The following ACTL6B variants were observed in gnomAD, a reference collection of about 807,000 sequenced individuals.
ACTL6B encodes actin-like protein 6B.
A neutral mutation model predicts 63.3 loss-of-function variants in ACTL6B; 48 were observed. That is an observed-to-expected ratio of 0.76 (90% CI 0.60 to 0.96). ACTL6B has a LOEUF of 0.96. Among genes scored for constraint, ACTL6B ranks in the 50% least tolerant of loss-of-function variants. The pLI, the probability that ACTL6B is intolerant of heterozygous loss-of-function variation, is 0.00. For missense variants in ACTL6B, 350 were observed against 572.2 expected (o/e 0.61, Z 3.96); for synonymous variants, 230 against 223.8 (o/e 1.03, Z -0.25).
chr7:100,644,189 C>T (rs764931296), intron 13 of ACTL6B, among the ~76,000 whole-genome samples: 1 of 152,042 alleles, frequency 6.6e-6, no homozygotes, highest in Non-Finnish European at 1.5e-5. Context: ...CGTGAGCCAC[C>T]GCGCCCAGCC....
chr7:100,656,134 G>A (rs1804036023), intron 1 of ACTL6B, among the ~76,000 whole-genome samples, 196 bp downstream of exon 1: 1 of 152,236 alleles, frequency 6.6e-6, no homozygotes, highest in Admixed American at 6.5e-5. Context: ...GCCAGGTGGA[G>A]GTGGGTTGCA....
chr7:100,645,799 T>A (rs556901749), intron 13 of ACTL6B, among the ~76,000 whole-genome samples: 15 of 152,160 alleles, frequency 9.9e-5, no homozygotes, highest in African/African-American at 3.6e-4. Flanking sequence ...GCCTGGCTAA[T>A]TTTTGGATTT....
In ACTL6B at chr7:100,655,768, C is replaced by G. The variant is rs771098886; in HGVS notation, c.102+35G>C. On this transcript the variant is annotated intron_variant, in intron 2 of 13. Transcript: ENST00000160382. This position sits in a 1 kb window ranked among gnomAD's most constrained non-coding sequence, Gnocchi z 4.4. ...GGAAAGCCTGAAGAAGGGTCCGAAG[C>G]CCCTAGGATTTGGAGAGGAGACTGG... 1.9e-6 allele frequency: 3 copies of G among 1,551,198 alleles called. No homozygotes were observed. The East Asian group carries it at 7.3e-5, about 38-fold the overall frequency.
At chr7:100,654,642 C>G (rs1271591957) in intron 4 of ACTL6B, among the ~76,000 whole-genome samples, 1 of 151,460 alleles carries the variant, frequency 6.6e-6, no homozygotes, top group Non-Finnish European at 1.5e-5. Flanking sequence ...ATTAGCCAGG[C>G]GTGGTGGCGG....
intron 4 of ACTL6B, among the ~76,000 whole-genome samples, chr7:100,650,439 TCA>T (rs1223356361): frequency 2.7e-5 from 4 of 150,542 alleles, no homozygotes; most frequent in African/African-American, 4.9e-5. Flanking sequence ...GCAAACACAC[TCA>T]CAAACACACG....
At chr7:100,654,048 C>T in intron 4 of ACTL6B, among the ~76,000 whole-genome samples, 1 of 151,802 alleles carries the variant, frequency 6.6e-6, no homozygotes, top group East Asian at 1.9e-4. Context: ...TCTCAGCTCA[C>T]TGCAAGCTCC....
chr7:100,650,278 ACACT>A (rs777728344), intron 4 of ACTL6B, 143 bp from the exon 5 acceptor site: 5 of 662,336 alleles, frequency 7.5e-6, no homozygotes, highest in South Asian at 1.7e-5. Context: ...CACAACCTAA[ACACT>A]CACACATACA....
Position 100,648,555 on chromosome 7 carries a change from C to T in ACTL6B, c.669+1G>A, listed in dbSNP as rs1584468817. 3 of 1,598,184 alleles carry T rather than the reference C, an allele frequency of 1.9e-6. No homozygotes were observed. Among genetic ancestry groups the T allele is most frequent in the Non-Finnish European group, 2.6e-6 (3 of 1,171,264 alleles). On this transcript the variant is annotated splice_donor_variant, in intron 7 of 13. Transcript: ENST00000160382. LOFTEE classifies it high-confidence loss of function. This position sits in a 1 kb window ranked among gnomAD's most constrained non-coding sequence, Gnocchi z 4.4. Reference sequence around the variant, plus strand: ...CAGCTCCATGTCCCCAGAGGCCCCACCTTGGCTGCGATCATGTAAGGTGGG... The same window carrying T: ...CAGCTCCATGTCCCCAGAGGCCCCATCTTGGCTGCGATCATGTAAGGTGGG...
chr7:100,643,305 T>C lies in ACTL6B; in HGVS notation c.1222A>G (p.Ile408Val). 1 of 1,613,782 alleles carries C rather than the reference T, an allele frequency of 6.2e-7. No individual in the cohort carries two copies. Among genetic ancestry groups the C allele is most frequent in the Non-Finnish European group, 8.5e-7 (1 of 1,179,954 alleles). The change falls in exon 14 of 14, where the codon ATC becomes GTC. Residue 408 changes from isoleucine (I) to valine (V), a missense_variant. Coordinates refer to ENST00000160382, the MANE Select transcript of ACTL6B (RefSeq NM_016188.5). ...ASLGTFQQMW[I>V]SKQEYEEGGK... Reference sequence around the variant, plus strand: ...CCCTCCTCATATTCCTGCTTGGAGATCCACATCTGCTGGAAAGTGCCCTGG... The same window carrying C: ...CCCTCCTCATATTCCTGCTTGGAGACCCACATCTGCTGGAAAGTGCCCTGG...
rs181264201 is a variant in ACTL6B at position 100,652,186 on chromosome 7, C to G, written c.370-2051G>C. 1.4e-4 allele frequency among the ~76,000 whole-genome samples: 22 copies of G among 151,872 alleles called. No individual in the cohort carries two copies. In the East Asian group the frequency reaches 4.3e-3, roughly 30 times the overall value. ...GGCCGAGGCCGGCGGATCGCGAGGT[C>G]AGGAGATGGAGACCATCCTGGCTAA... is the stretch of plus-strand genomic sequence containing the variant. On this transcript the variant is annotated intron_variant, in intron 4 of 13. Transcript: ENST00000160382.
intron 5 of ACTL6B, among the ~76,000 whole-genome samples, chr7:100,649,641 A>C (rs1584469297): frequency 6.6e-6 from 1 of 152,312 alleles, no homozygotes; most frequent in Non-Finnish European, 1.5e-5. Context: ...CCCTGAAATT[A>C]GGGTCGCTAT....
chr7:100,652,517 G>A (rs1015000610), intron 4 of ACTL6B, among the ~76,000 whole-genome samples: 67 of 145,604 alleles, frequency 4.6e-4, no homozygotes, highest in African/African-American at 1.7e-3. Flanking sequence ...GAACCCAGGA[G>A]GTGGAGCTTG....
At chr7:100,644,694 G>A (rs376853631) in intron 13 of ACTL6B, among the ~76,000 whole-genome samples, 5 of 151,952 alleles carry the variant, frequency 3.3e-5, no homozygotes, top group African/African-American at 9.7e-5. Context: ...TGATCCTCCC[G>A]CCTTGGCCTC....
At chr7:100,649,997 C>A in intron 5 of ACTL6B, 41 bp downstream of exon 5, 2 of 1,588,496 alleles carry the variant, frequency 1.3e-6, no homozygotes, top group Non-Finnish European at 1.7e-6. Context: ...GGCCCCACCC[C>A]AGCCCTCCAC....
intron 13 of ACTL6B, among the ~76,000 whole-genome samples, chr7:100,645,702 G>A (rs932128400): frequency 6.6e-5 from 10 of 151,398 alleles, no homozygotes; most frequent in Admixed American, 4.0e-4. Flanking sequence ...CACGATCTCA[G>A]CTCACTGCAG....
intron 5 of ACTL6B, among the ~76,000 whole-genome samples, chr7:100,649,778 C>A (rs1284591361): frequency 6.6e-6 from 1 of 152,218 alleles, no homozygotes; most frequent in Admixed American, 6.5e-5. Context: ...GTTCCAGCCC[C>A]TACTCTCTCC....
Position 100,647,329 on chromosome 7 carries a change from C to A in ACTL6B, c.760-45G>T. The A allele has an allele frequency of 6.2e-7, 1 of 1,609,064 alleles. No individual in the cohort carries two copies. Among genetic ancestry groups the A allele is most frequent in the Non-Finnish European group, 8.5e-7 (1 of 1,176,928 alleles). On this transcript the variant is annotated intron_variant, in intron 8 of 13. Coordinates refer to ENST00000160382, the MANE Select transcript of ACTL6B (RefSeq NM_016188.5). The surrounding 1 kb of genome is among the most constrained non-coding windows in gnomAD (Gnocchi z 4.4). ...GGTGAGGGCCTGCCTTCCCCGTGAG[C>A]AGCACCCCCTGCCCCGCTCCCCCTC...
At position 100,646,420 on chromosome 7, in the gene ACTL6B, G is replaced by A; in HGVS notation, c.1114-85C>T. On this transcript the variant is annotated intron_variant, in intron 12 of 13. Coordinates refer to ENST00000160382, the MANE Select transcript of ACTL6B (RefSeq NM_016188.5). This position sits in a 1 kb window ranked among gnomAD's most constrained non-coding sequence, Gnocchi z 6.1. ...TGGGGGAGAGGGGAAGACTTGGGAAGCCACAGGGGCAGGGGTTCTGCTCTG... is the reference window on the plus strand; with the variant it reads ...TGGGGGAGAGGGGAAGACTTGGGAAACCACAGGGGCAGGGGTTCTGCTCTG... The A allele has an allele frequency of 1.3e-6, 2 of 1,555,542 alleles. No homozygotes were observed. The highest frequency in any genetic ancestry group is 1.8e-6 in the Non-Finnish European group (2 of 1,133,094).
chr7:100,652,248 A>C (rs546554564), intron 4 of ACTL6B, among the ~76,000 whole-genome samples: 1 of 151,954 alleles, frequency 6.6e-6, no homozygotes, highest in Non-Finnish European at 1.5e-5. Context: ...AATACAAAAA[A>C]TTAGCCGGGC....
Sources: gnomAD v4.1 joint callset for allele counts (sites outside exome capture counted in the v4.1 genomes callset) on GRCh38, gnomAD v4.1.1 for gene constraint, Gnocchi (gnomAD v3.1) non-coding constraint, MANE v1.5 for transcripts, NCBI Gene and HGNC (gene_info 2026-07-23, HGNC 2026-07-21) for gene names.